The following TRIM33 variants were observed in gnomAD, a reference collection of about 807,000 sequenced individuals.
TRIM33 encodes tripartite motif containing 33, also known as E3 ubiquitin-protein ligase TRIM33.
A neutral mutation model predicts 125.4 loss-of-function variants in TRIM33; 20 were observed. That is an observed-to-expected ratio of 0.16 (90% CI 0.11 to 0.23). The LOEUF (loss-of-function observed/expected upper bound fraction) is 0.23, where lower values mean the gene tolerates loss of function less well. Ranked by LOEUF, TRIM33 falls within the 10% of genes least tolerant of loss-of-function variation. The pLI is 1.00. For synonymous variants in TRIM33, 564 were observed against 513.9 expected (o/e 1.10, Z -1.32); for missense variants, 920 against 1,411.4 (o/e 0.65, Z 5.58).
chr1:114,421,044 C>T (rs551539777), intron 11 of TRIM33, among the ~76,000 whole-genome samples: 2 of 152,098 alleles, frequency 1.3e-5, no homozygotes, highest in East Asian at 3.9e-4. Flanking sequence ...ACTATACAGC[C>T]TCTAAAAAGA....
chr1:114,478,511 C>T (rs1051149252), intron 1 of TRIM33, among the ~76,000 whole-genome samples: 1 of 152,016 alleles, frequency 6.6e-6, no homozygotes, highest in East Asian at 1.9e-4. Context: ...GGACACTGCA[C>T]ATACCAAAGG....
intron 1 of TRIM33, among the ~76,000 whole-genome samples, chr1:114,504,165 ATTTT>A (rs550970951): frequency 1.3e-5 from 2 of 149,592 alleles, no homozygotes; most frequent in Non-Finnish European, 3.0e-5. Flanking sequence ...TTATTTTTTT[ATTTT>A]TTTTATTTTT....
At chr1:114,452,267 C>T (rs1156808643) in intron 4 of TRIM33, among the ~76,000 whole-genome samples, 1 of 152,034 alleles carries the variant, frequency 6.6e-6, no homozygotes, top group African/African-American at 2.4e-5. Context: ...TGAGACCATC[C>T]TGGCCAACAT....
Position 114,424,747 on chromosome 1 carries a change from T to G in TRIM33, c.1704A>C (p.Arg568=), listed in dbSNP as rs556087090. 4.7e-6 allele frequency: 7 copies of G among 1,500,878 alleles called. No homozygotes were observed. In the East Asian group the frequency reaches 1.7e-4, roughly 36 times the overall value. 93.0% of individuals were successfully genotyped at this position (1,500,878 alleles called of 1,614,324 possible). ...APQMLQQQPP[R]LISVQTMQRG... ...TTTGCATTGTTTGCACACTGATCAA[T>G]CGAGGAGGCTACAAAAAGTAGAAAT... The change falls in exon 10 of 20, where the codon CGA becomes CGC. Residue 568 remains arginine, a synonymous_variant. Coordinates refer to ENST00000358465, the MANE Select transcript of TRIM33 (RefSeq NM_015906.4).
At chr1:114,454,017 A>T (rs1649484491) in intron 4 of TRIM33, among the ~76,000 whole-genome samples, 3 of 152,252 alleles carry the variant, frequency 2.0e-5, no homozygotes, top group African/African-American at 7.2e-5. Context: ...AACTGTGAGT[A>T]TAACAGCTTG....
intron 1 of TRIM33, among the ~76,000 whole-genome samples, chr1:114,493,316 C>T (rs540097479): frequency 3.9e-5 from 6 of 152,290 alleles, no homozygotes; most frequent in African/African-American, 1.4e-4. Flanking sequence ...CTTACAAATA[C>T]TTTCTCCCAT....
chr1:114,420,556 C>T (rs952733923), intron 11 of TRIM33: 14 of 563,646 alleles, frequency 2.5e-5, no homozygotes, highest in South Asian at 4.7e-5. Context: ...GCTATTCATA[C>T]GACCTTCAAT....
In TRIM33 at chr1:114,421,446, G is replaced by A; in HGVS notation, c.2051C>T (p.Pro684Leu). Residue 684 changes from proline to leucine, a missense_variant, in exon 11 of 20, where the codon CCA becomes CTA. Pro to Leu is a moderately conservative substitution (Grantham distance 98, BLOSUM62 -3). Around this residue, in one of 8 missense-constraint regions of TRIM33, gnomAD observed 407 missense variants for 589.7 expected, o/e 0.69. Coordinates refer to ENST00000358465, the MANE Select transcript of TRIM33 (RefSeq NM_015906.4). Reference protein sequence around the residue: ...PENLPSLPDIPPIQLEDAGSS... With the variant: ...PENLPSLPDILPIQLEDAGSS... Reference sequence around the variant, plus strand: ...AACTCAAATACAAACCTGTATGGGTGGAATATCTGGCAGCGATGGAAGGTT... The same window carrying A: ...AACTCAAATACAAACCTGTATGGGTAGAATATCTGGCAGCGATGGAAGGTT... The A allele has an allele frequency of 6.2e-7, 1 of 1,613,702 alleles. No individual in the cohort carries two copies. Among genetic ancestry groups the A allele is most frequent in the Non-Finnish European group, 8.5e-7 (1 of 1,179,644 alleles).
chr1:114,505,606 C>T (rs1030167353), intron 1 of TRIM33, among the ~76,000 whole-genome samples: 27 of 152,180 alleles, frequency 1.8e-4, no homozygotes, highest in African/African-American at 5.1e-4. Flanking sequence ...CTCACTCTGT[C>T]CCCCAGGCTG....
At chr1:114,441,923 C>T (rs937697759) in intron 4 of TRIM33, among the ~76,000 whole-genome samples, 2 of 152,114 alleles carry the variant, frequency 1.3e-5, no homozygotes, top group East Asian at 3.9e-4. Context: ...GTTTGATATC[C>T]TAATAGGATC....
chr1:114,438,285 G>A (rs568801833), intron 4 of TRIM33, among the ~76,000 whole-genome samples: 1 of 152,196 alleles, frequency 6.6e-6, no homozygotes, highest in East Asian at 1.9e-4. Context: ...AACTGAATAA[G>A]AGAACCTTTT....
At chr1:114,465,526 A>G (rs1016091352) in intron 1 of TRIM33, among the ~76,000 whole-genome samples, 1 of 152,224 alleles carries the variant, frequency 6.6e-6, no homozygotes. Context: ...TCACTCTAAA[A>G]GAAGGGTGAG....
chr1:114,407,097 A>G lies in TRIM33; in HGVS notation c.2262T>C (p.Cys754=), dbSNP rs1315952410. ...TCTCAGCAGTTCTTCCTGATGACCC[A>G]CAGCTAATAAGAAACAACAAATAAA... ...STSSTGSRGS[C]GSSGRTAEKT... Residue 754 remains cysteine, a synonymous_variant, in exon 14 of 20, where the codon TGT becomes TGC. Coordinates refer to ENST00000358465, the MANE Select transcript of TRIM33 (RefSeq NM_015906.4). 1 of 1,611,092 alleles carries G rather than the reference A, an allele frequency of 6.2e-7. No homozygotes were observed. Among genetic ancestry groups the G allele is most frequent in the South Asian group, 1.1e-5 (1 of 90,516 alleles).
chr1:114,486,791 AAAATTACTTG>A (rs1651726618), intron 1 of TRIM33, among the ~76,000 whole-genome samples: 1 of 152,080 alleles, frequency 6.6e-6, no homozygotes, highest in African/African-American at 2.4e-5. Context: ...ATAAAATTTA[AAAATTACTTG>A]AACAGGCCGG....
chr1:114,510,880 C>T lies in TRIM33; in HGVS notation c.197G>A (p.Gly66Glu). The change falls in exon 1 of 20, where the codon GGG (glycine) becomes GAG (glutamate). Residue 66 changes from glycine to glutamate, a missense_variant. By Grantham distance (98) the Gly-to-Glu change is moderately conservative. This residue lies in a region of TRIM33 where 233 missense variants were observed against 189.6 expected (regional missense o/e 1.23). Coordinates refer to ENST00000358465, the MANE Select transcript of TRIM33 (RefSeq NM_015906.4). ...CGAGCCCGAGGAGGCCGCGGCCACCCCCCCGTCGTCGGGCCCGGCCGCGCC... is the reference window on the plus strand; with the variant it reads ...CGAGCCCGAGGAGGCCGCGGCCACCTCCCCGTCGTCGGGCCCGGCCGCGCC... ...EGGAAGPDDG[G>E]VAAASSGSAQ... The T allele has an allele frequency of 6.9e-7, 1 of 1,451,730 alleles. No individual in the cohort carries two copies. The highest frequency in any genetic ancestry group is 1.4e-5 in the South Asian group (1 of 73,844). The allele number at this position is 1,451,730 out of a possible 1,614,324, so 89.9% of individuals were successfully genotyped here. A position where few individuals can be genotyped will look rare whatever the true frequency, so the allele number is the denominator to read the frequency against.
At chr1:114,426,932 G>A (rs1647625361) in intron 8 of TRIM33, among the ~76,000 whole-genome samples, 1 of 152,046 alleles carries the variant, frequency 6.6e-6, no homozygotes, top group South Asian at 2.1e-4. Flanking sequence ...TGGAGGGTCG[G>A]GGGACTAGAA....
intron 1 of TRIM33, among the ~76,000 whole-genome samples, chr1:114,482,636 A>G (rs1406794177): frequency 6.6e-6 from 1 of 152,194 alleles, no homozygotes; most frequent in East Asian, 1.9e-4. Flanking sequence ...CTCATGTTGA[A>G]TTGTAATCTC....
intron 6 of TRIM33, among the ~76,000 whole-genome samples, chr1:114,428,747 T>C (rs1647748291): frequency 6.6e-6 from 1 of 152,226 alleles, no homozygotes; most frequent in Non-Finnish European, 1.5e-5. Context: ...ACGTTTCTTC[T>C]ACAAAGTATA....
At chr1:114,489,763 T>G (rs769746599) in intron 1 of TRIM33, among the ~76,000 whole-genome samples, 16 of 150,962 alleles carry the variant, frequency 1.1e-4, no homozygotes, top group Non-Finnish European at 1.8e-4. Flanking sequence ...AATAAATAAA[T>G]AAAAAAAACA....
Sources: gnomAD v4.1 joint callset for allele counts (sites outside exome capture counted in the v4.1 genomes callset) on GRCh38, gnomAD v4.1.1 for gene constraint, gnomAD v4.1.1 regional missense constraint, MANE v1.5 for transcripts, NCBI Gene and HGNC (gene_info 2026-07-23, HGNC 2026-07-21) for gene names.